CAMTA1: variants seen among roughly 807,000 people sequenced by gnomAD.
The protein encoded by CAMTA1 is calmodulin-binding transcription activator 1.
A neutral mutation model predicts 170.9 loss-of-function variants in CAMTA1; 27 were observed. The ratio of observed to expected loss-of-function variants is 0.16; its 90% CI spans 0.12 to 0.22. The LOEUF (loss-of-function observed/expected upper bound fraction) is 0.22, where lower values mean the gene tolerates loss of function less well. Ranked by LOEUF, CAMTA1 falls within the 10% of genes least tolerant of loss-of-function variation. The probability of loss-of-function intolerance (pLI) is 1.00; values close to 1 mark genes in which losing one functional copy is unlikely to be tolerated. For missense variants in CAMTA1, 1,619 were observed against 2,217.2 expected, an observed-to-expected ratio of 0.73 and a Z score of 5.42; for synonymous variants, 833 against 891.5, an observed-to-expected ratio of 0.93 and a Z score of 1.17.
chr1:7,253,791 G>A (rs540953118), intron 5 of CAMTA1, among the ~76,000 whole-genome samples: 2 of 152,186 alleles, frequency 1.3e-5, no homozygotes, highest in South Asian at 4.2e-4. Flanking sequence ...GGGGTACTCG[G>A]GTGGGGCCTG....
intron 3 of CAMTA1, among the ~76,000 whole-genome samples, chr1:6,892,597 C>CTTTTT (rs70984032): frequency 2.0e-4 from 24 of 120,808 alleles, no homozygotes; most frequent in East Asian, 5.0e-4. Context: ...TTTTTCTTTT[C>CTTTTT]TTTTTTTTTT....
At chr1:7,084,811 G>GGCTC (rs1475670923) in intron 3 of CAMTA1, among the ~76,000 whole-genome samples, 1 of 152,214 alleles carries the variant, frequency 6.6e-6, no homozygotes, top group Non-Finnish European at 1.5e-5. Flanking sequence ...GGGGCTGGCT[G>GGCTC]TCCGTGGGAA....
At chr1:7,376,220 G>A (rs1160778260) in intron 5 of CAMTA1, among the ~76,000 whole-genome samples, 2 of 152,226 alleles carry the variant, frequency 1.3e-5, no homozygotes, top group African/African-American at 2.4e-5. Flanking sequence ...GGTTATGAAT[G>A]TATTTATTTT....
intron 5 of CAMTA1, among the ~76,000 whole-genome samples, chr1:7,408,087 G>A (rs562553831): frequency 3.9e-5 from 6 of 152,140 alleles, no homozygotes; most frequent in African/African-American, 7.2e-5. Context: ...TCTCTGTCCC[G>A]CCTGCTCCGT....
At chr1:7,172,956 G>T (rs1414631729) in intron 4 of CAMTA1, among the ~76,000 whole-genome samples, 1 of 152,214 alleles carries the variant, frequency 6.6e-6, no homozygotes, top group Non-Finnish European at 1.5e-5. Flanking sequence ...TAGACTCTCG[G>T]AGCTAAAATT....
intron 16 of CAMTA1, among the ~76,000 whole-genome samples, chr1:7,740,613 G>A (rs374904093): frequency 1.3e-4 from 20 of 152,340 alleles, no homozygotes; most frequent in Middle Eastern, 3.4e-3. Context: ...CGCACCGTGG[G>A]AGACACTTGG....
chr1:7,360,499 C>T (rs1244727450), intron 5 of CAMTA1, among the ~76,000 whole-genome samples: 2 of 152,206 alleles, frequency 1.3e-5, no homozygotes, highest in Non-Finnish European at 2.9e-5. Context: ...TTCTCCAAAG[C>T]CCAGTTCCCT....
At chr1:6,926,948 C>T (rs1683405725) in intron 3 of CAMTA1, among the ~76,000 whole-genome samples, 1 of 151,744 alleles carries the variant, frequency 6.6e-6, no homozygotes, top group Non-Finnish European at 1.5e-5. Context: ...CCAGGCTGGT[C>T]TCAGACTCCT....
chr1:7,361,014 G>T (rs751647408), intron 5 of CAMTA1, among the ~76,000 whole-genome samples: 4 of 151,446 alleles, frequency 2.6e-5, no homozygotes, highest in Non-Finnish European at 5.9e-5. Context: ...CGGGGCTGTG[G>T]GTGTTAGAGT....
At chr1:7,181,781 G>C (rs1408631816) in intron 4 of CAMTA1, among the ~76,000 whole-genome samples, 1 of 151,888 alleles carries the variant, frequency 6.6e-6, no homozygotes, top group African/African-American at 2.4e-5. Flanking sequence ...AAAAAAGTTT[G>C]TCCCAAGTTA....
intron 6 of CAMTA1, among the ~76,000 whole-genome samples, chr1:7,539,631 C>T (rs1480953314): frequency 6.6e-6 from 1 of 152,216 alleles, no homozygotes. Flanking sequence ...CAAACTGGAA[C>T]AGTGTCAAAA....
chr1:7,499,435 T>TGA (rs2093929935), intron 6 of CAMTA1, among the ~76,000 whole-genome samples: 2 of 64,254 alleles, frequency 3.1e-5, no homozygotes, highest in Non-Finnish European at 2.6e-5. Flanking sequence ...GTGAGCCTGG[T>TGA]GTGCATATGT....
chr1:7,539,429 A>T (rs1575884858), intron 6 of CAMTA1, among the ~76,000 whole-genome samples: 1 of 152,348 alleles, frequency 6.6e-6, no homozygotes, highest in Non-Finnish European at 1.5e-5. Context: ...GAAATGAAAG[A>T]TAGTACAAGT....
rs2096096116 is a variant in CAMTA1 at position 7,674,697 on chromosome 1, C to G, written c.2780-2902C>G. 6.6e-6 allele frequency among the ~76,000 whole-genome samples: 1 copy of G among 152,126 alleles called. No homozygotes were observed. The highest frequency in any genetic ancestry group is 2.4e-5 in the African/African-American group (1 of 41,410). ...GCTGAGGCAGGAGAATCACCTGAAC[C>G]TGGCAGGTGGAGGTTGCAGTGAGCC... On this transcript the variant is annotated intron_variant, in intron 10 of 22. Transcript: ENST00000303635. This position sits in a 1 kb window ranked among gnomAD's most constrained non-coding sequence, Gnocchi z 4.1.
At chr1:7,533,457 G>A (rs2094514301) in intron 6 of CAMTA1, among the ~76,000 whole-genome samples, 1 of 152,234 alleles carries the variant, frequency 6.6e-6, no homozygotes, top group Non-Finnish European at 1.5e-5. Context: ...AGAAGGAACT[G>A]CCAAGAGGGA....
intron 5 of CAMTA1, among the ~76,000 whole-genome samples, chr1:7,428,045 C>T (rs994238175): frequency 1.3e-5 from 2 of 152,234 alleles, no homozygotes; most frequent in South Asian, 2.1e-4. Context: ...CTGGAGTCGG[C>T]GTCCGTGGGA....
chr1:7,553,072 A>T, intron 6 of CAMTA1, among the ~76,000 whole-genome samples: 1 of 152,248 alleles, frequency 6.6e-6, no homozygotes, highest in East Asian at 1.9e-4. Flanking sequence ...TGGTAGTGAG[A>T]ACAGGGCCTG....
intron 3 of CAMTA1, among the ~76,000 whole-genome samples, chr1:7,055,758 T>G (rs1707228017): frequency 6.6e-6 from 1 of 152,170 alleles, no homozygotes; most frequent in Non-Finnish European, 1.5e-5. Flanking sequence ...GTCCGTTTGC[T>G]CACTATTTTC....
At chr1:6,917,611 C>T (rs1011372503) in intron 3 of CAMTA1, among the ~76,000 whole-genome samples, 2 of 151,952 alleles carry the variant, frequency 1.3e-5, no homozygotes, top group African/African-American at 4.8e-5. Context: ...TGTTTTGGCA[C>T]CCACTGCCAT....
Sources: allele counts gnomAD v4.1 joint callset (sites outside exome capture counted in the v4.1 genomes callset), GRCh38; gene constraint gnomAD v4.1.1; non-coding constraint Gnocchi (gnomAD v3.1); transcripts MANE v1.5; gene names NCBI Gene and HGNC (gene_info 2026-07-23, HGNC 2026-07-21).